PTPDC1: variants seen among roughly 807,000 people sequenced by gnomAD.
The protein encoded by PTPDC1 is protein tyrosine phosphatase domain containing 1, also known as protein tyrosine phosphatase domain-containing protein 1.
In PTPDC1, 53 loss-of-function variants were observed where a neutral mutation model predicts 75.3. The ratio of observed to expected loss-of-function variants is 0.70; its 90% confidence interval spans 0.56 to 0.88. The LOEUF is 0.88. PTPDC1 is among the 40% of genes least tolerant of loss of function. The pLI is 0.00. For missense variants in PTPDC1, 925 were observed against 998.6 expected, an observed-to-expected ratio of 0.93 and a Z score of 0.99; for synonymous variants, 349 against 366.2, an observed-to-expected ratio of 0.95 and a Z score of 0.54.
chr9:94,074,824 A>T (rs1207374236), intron 2 of PTPDC1, among the ~76,000 whole-genome samples: 1 of 152,160 alleles, frequency 6.6e-6, no homozygotes, highest in Admixed American at 6.5e-5. Flanking sequence ...GTGGACGCCA[A>T]TTGAATGTGG....
At chr9:94,085,699 A>G (rs1827049005) in intron 2 of PTPDC1, among the ~76,000 whole-genome samples, 1 of 152,250 alleles carries the variant, frequency 6.6e-6, no homozygotes, top group Non-Finnish European at 1.5e-5. Context: ...GGATAATTAG[A>G]TAGCTCTTAA....
intron 1 of PTPDC1, among the ~76,000 whole-genome samples, chr9:94,049,857 G>A (rs983161719): frequency 2.0e-5 from 3 of 152,172 alleles, no homozygotes; most frequent in Admixed American, 6.5e-5. Context: ...GCACTAATCC[G>A]ATGTAGATTT....
exon 1 of PTPDC1, chr9:94,031,126 A>C (rs1234371505): frequency 6.6e-6 from 1 of 152,190 alleles, no homozygotes; most frequent in Non-Finnish European, 1.5e-5. Context: ...GAGCGGGAAA[A>C]GGTTCGGAAT....
chr9:94,067,242 T>A (rs955130183), intron 2 of PTPDC1, among the ~76,000 whole-genome samples: 1 of 151,930 alleles, frequency 6.6e-6, no homozygotes, highest in South Asian at 2.1e-4. Context: ...ACAAAAAAAT[T>A]AGCCGAGCAT....
At chr9:94,088,028 T>A in intron 3 of PTPDC1, 117 bp downstream of exon 3, 1 of 1,464,304 alleles carries the variant, frequency 6.8e-7, no homozygotes. Context: ...AAGAGTGTAT[T>A]TCAAATGAGA....
upstream of PTPDC1, among the ~76,000 whole-genome samples, chr9:94,082,399 G>A (rs1205003815): frequency 1.9e-4 from 29 of 152,200 alleles, no homozygotes. Context: ...AGTTCTTGGT[G>A]TTCTAGATCT....
At chr9:94,054,702 T>C (rs980483513) in intron 1 of PTPDC1, among the ~76,000 whole-genome samples, 1 of 152,236 alleles carries the variant, frequency 6.6e-6, no homozygotes, top group Non-Finnish European at 1.5e-5. Flanking sequence ...GTTTCTACAC[T>C]AGACTCTAAT....
intron 1 of PTPDC1, among the ~76,000 whole-genome samples, chr9:94,053,461 A>G (rs1050985927): frequency 1.3e-5 from 2 of 152,206 alleles, no homozygotes; most frequent in Admixed American, 6.5e-5. Flanking sequence ...GTTTTACTAC[A>G]TAAGGTATCA....
At chr9:94,093,071 T>C (rs892490589) in intron 4 of PTPDC1, among the ~76,000 whole-genome samples, 5 of 152,154 alleles carry the variant, frequency 3.3e-5, no homozygotes, top group African/African-American at 1.2e-4. Flanking sequence ...ATTGGAGCAT[T>C]TAGTCCATTT....
rs375285599 is a variant in PTPDC1, at chr9:94,095,357, G to A, written c.657G>A (p.Ala219=). 79 of 1,611,798 alleles carry A rather than the reference G, an allele frequency of 4.9e-5. 1 individual carries two copies. Among genetic ancestry groups the A allele is most frequent in the Middle Eastern group, 3.3e-4 (2 of 6,080 alleles). ...YNFGWKDYGV[A]SLTTILDMVK... is the part of the protein sequence containing the mutation. Reference sequence around the variant, plus strand: ...TCGGATGGAAGGATTATGGTGTAGCGTCTCTTACTACTATCCTAGATATGG... The same window carrying A: ...TCGGATGGAAGGATTATGGTGTAGCATCTCTTACTACTATCCTAGATATGG... The change falls in exon 5 of 9, where the codon GCG becomes GCA. Residue 219 remains alanine, a synonymous_variant. Coordinates refer to ENST00000620992, the MANE Select transcript of PTPDC1 (RefSeq NM_001253829.2).
chr9:94,050,876 C>T (rs372064743), intron 1 of PTPDC1, among the ~76,000 whole-genome samples: 84 of 152,312 alleles, frequency 5.5e-4, no homozygotes, highest in Non-Finnish European at 9.7e-4. Flanking sequence ...TCGAGCTTCT[C>T]GGCCGCTTTG....
At chr9:94,094,945 G>T (rs1244425019) in intron 4 of PTPDC1, among the ~76,000 whole-genome samples, 1 of 152,236 alleles carries the variant, frequency 6.6e-6, no homozygotes, top group Non-Finnish European at 1.5e-5. Context: ...CTGAGGCACG[G>T]TGCGTGCGCC....
chr9:94,081,681 T>C (rs1395415619), upstream of PTPDC1, among the ~76,000 whole-genome samples: 1 of 152,152 alleles, frequency 6.6e-6, no homozygotes, highest in Non-Finnish European at 1.5e-5. Flanking sequence ...AGGCCAGAGC[T>C]GAGTAGGCTA....
intron 1 of PTPDC1, among the ~76,000 whole-genome samples, chr9:94,039,358 A>G (rs1220042412): frequency 6.6e-6 from 1 of 152,200 alleles, no homozygotes; most frequent in African/African-American, 2.4e-5. Flanking sequence ...ATTAAAAACA[A>G]TGGTAGGAAT....
At chr9:94,053,881 C>G (rs990700894) in intron 1 of PTPDC1, among the ~76,000 whole-genome samples, 2 of 152,164 alleles carry the variant, frequency 1.3e-5, no homozygotes, top group Non-Finnish European at 2.9e-5. Flanking sequence ...AGCAATAACC[C>G]TGAGATGCGT....
At chr9:94,056,767 C>T (rs1825952626) in intron 1 of PTPDC1, among the ~76,000 whole-genome samples, 1 of 152,194 alleles carries the variant, frequency 6.6e-6, no homozygotes, top group Non-Finnish European at 1.5e-5. Flanking sequence ...TCTTTGTGTT[C>T]TACTGTTCTT....
At chr9:94,091,090 T>C (rs1564029251) in intron 4 of PTPDC1, among the ~76,000 whole-genome samples, 1 of 129,962 alleles carries the variant, frequency 7.7e-6, no homozygotes, top group Non-Finnish European at 1.8e-5. Context: ...TCCTGCCTAA[T>C]TGCCCAGGCC....
intron 1 of PTPDC1, among the ~76,000 whole-genome samples, chr9:94,044,726 CT>C (rs71511684): frequency 1.8e-4 from 26 of 147,292 alleles, no homozygotes; most frequent in East Asian, 2.0e-4. Context: ...ATACCTTTCT[CT>C]TTTTTTTTTT....
intron 1 of PTPDC1, among the ~76,000 whole-genome samples, chr9:94,047,313 T>C (rs188789744): frequency 0.013 from 1,967 of 152,264 alleles, 53 homozygotes; most frequent in African/African-American, 0.045. Context: ...TCTCTTTTTT[T>C]GTTGTGTCTC....
Sources: allele counts gnomAD v4.1 joint callset (sites outside exome capture counted in the v4.1 genomes callset), GRCh38; gene constraint gnomAD v4.1.1; transcripts MANE v1.5; gene names NCBI Gene and HGNC (gene_info 2026-07-23, HGNC 2026-07-21).